CMTM4: variants seen among roughly 807,000 people sequenced by gnomAD.
CMTM4 encodes CKLF-like MARVEL transmembrane domain-containing protein 4.
CMTM4 carries 8 observed loss-of-function variants against 19.0 expected under a neutral mutation model. That is an observed-to-expected ratio of 0.42 (90% CI 0.25 to 0.76). The LOEUF (loss-of-function observed/expected upper bound fraction) is 0.76, where lower values mean the gene tolerates loss of function less well. Ranked by LOEUF, CMTM4 falls within the 30% of genes least tolerant of loss-of-function variation. CMTM4 has a pLI of 0.27. For missense variants in CMTM4, 228 were observed against 290.2 expected, an observed-to-expected ratio of 0.79 and a Z score of 1.56; for synonymous variants, 106 against 121.1, an observed-to-expected ratio of 0.88 and a Z score of 0.82.
the CMTM4 span, chr16:66,609,566 T>TGCCCCTCTA: frequency 6.4e-7 from 1 of 1,555,818 alleles, no homozygotes; most frequent in Non-Finnish European, 8.7e-7. This position sits in a 1 kb window ranked among gnomAD's most constrained non-coding sequence, Gnocchi z 4.4. Context: ...AAACTGCAGA[T>TGCCCCTCTA]GCCCCTCTAG....
intron 1 of CMTM4, among the ~76,000 whole-genome samples, chr16:66,667,562 TTTGATA>T (rs1232587052): frequency 5.9e-5 from 9 of 152,232 alleles, no homozygotes; most frequent in African/African-American, 1.9e-4. Flanking sequence ...TACATTACCT[TTTGATA>T]TTAACATATG....
intron 1 of CMTM4, among the ~76,000 whole-genome samples, chr16:66,674,913 T>C (rs1273950894): frequency 6.6e-6 from 1 of 151,520 alleles, no homozygotes; most frequent in Non-Finnish European, 1.5e-5. Flanking sequence ...AGCTAATTTT[T>C]TGTATTTTTA....
the CMTM4 span, chr16:66,609,449 T>C: frequency 1.2e-6 from 2 of 1,612,968 alleles, no homozygotes; most frequent in Non-Finnish European, 8.5e-7. This position sits in a 1 kb window ranked among gnomAD's most constrained non-coding sequence, Gnocchi z 4.4. Flanking sequence ...TCCTGCGCTG[T>C]GTCACCGCGG....
downstream of CMTM4, chr16:66,610,140 C>T: frequency 1.9e-6 from 2 of 1,076,766 alleles, no homozygotes; most frequent in Non-Finnish European, 2.7e-6. The surrounding 1 kb of genome is among the most constrained non-coding windows in gnomAD (Gnocchi z 4.6). Flanking sequence ...AGCCCATTCT[C>T]ACCTACCCTC....
intron 1 of CMTM4, among the ~76,000 whole-genome samples, chr16:66,691,129 T>G (rs1420990393): frequency 6.6e-6 from 1 of 151,880 alleles, no homozygotes; most frequent in Non-Finnish European, 1.5e-5. Flanking sequence ...AAAAAAAAAT[T>G]CCTATTACCC....
chr16:66,609,644 G>A, the CMTM4 span: 1 of 1,516,568 alleles, frequency 6.6e-7, no homozygotes, highest in African/African-American at 1.4e-5. This position sits in a 1 kb window ranked among gnomAD's most constrained non-coding sequence, Gnocchi z 4.4. Context: ...GTCTCATGTG[G>A]GTCCCGATGA....
At chr16:66,655,518 CGTGTGTGTGT>C (rs72390418) in intron 1 of CMTM4, among the ~76,000 whole-genome samples, 6 of 147,920 alleles carry the variant, frequency 4.1e-5, no homozygotes, top group South Asian at 2.2e-4. Context: ...AGGACAGAAA[CGTGTGTGTGT>C]GTGTGTGTGT....
chr16:66,606,250 A>T, the CMTM4 span, among the ~76,000 whole-genome samples: 1 of 152,278 alleles, frequency 6.6e-6, no homozygotes, highest in Admixed American at 6.5e-5. Context: ...TGAGATGGAC[A>T]GAAACAGAGA....
At chr16:66,679,778 C>T (rs921286472) in intron 1 of CMTM4, among the ~76,000 whole-genome samples, 1 of 148,314 alleles carries the variant, frequency 6.7e-6, no homozygotes, top group African/African-American at 2.5e-5. Context: ...GAACTGAGAT[C>T]ACACCACTGC....
chr16:66,604,732 C>A, the CMTM4 span: 1 of 1,142,332 alleles, frequency 8.8e-7, no homozygotes, highest in Non-Finnish European at 1.1e-6. Flanking sequence ...TCCGCACAGC[C>A]CGGGTTTCCG....
chr16:66,650,278 A>G (rs1411933559), intron 1 of CMTM4, among the ~76,000 whole-genome samples: 1 of 152,000 alleles, frequency 6.6e-6, no homozygotes, highest in East Asian at 1.9e-4. Flanking sequence ...TTATGTTTAT[A>G]CTCCCATTAG....
At chr16:66,610,460 C>T (rs558129424), downstream of CMTM4, among the ~76,000 whole-genome samples, 2 of 152,222 alleles carry the variant, frequency 1.3e-5, no homozygotes, top group South Asian at 4.1e-4. The surrounding 1 kb of genome is among the most constrained non-coding windows in gnomAD (Gnocchi z 4.6). Flanking sequence ...AGGGGAGGGG[C>T]CAGATGGGGC....
downstream of CMTM4, chr16:66,613,013 TTCAC>T (rs2015441094): frequency 1.4e-6 from 1 of 702,000 alleles, no homozygotes. Flanking sequence ...GGTCTTCTGT[TTCAC>T]TAACAGGAAC....
In CMTM4 at chr16:66,696,514, G is replaced by T; in HGVS notation, c.12C>A (p.Gly4=). 1 of 1,206,976 alleles carries T rather than the reference G, an allele frequency of 8.3e-7. No homozygotes were observed. The allele number at this position is 1,206,976 out of a possible 1,614,324, so 74.8% of individuals were successfully genotyped here. A position where few individuals can be genotyped will look rare whatever the true frequency, so the allele number is the denominator to read the frequency against. ...CGCCCTCGAAGCCGTCCAGCTCCTC[G>T]CCGCTCCGCATGCTGCCGCCCGGCC... The part of the protein sequence containing the change: MRS[G]EELDGFEGEA... The change falls in exon 1 of 4, where the codon GGC becomes GGA. Residue 4 remains glycine, a synonymous_variant. Transcript: ENST00000394106. The surrounding 1 kb of genome is among the most constrained non-coding windows in gnomAD (Gnocchi z 4.3).
chr16:66,680,048 G>A (rs563891563), intron 1 of CMTM4, among the ~76,000 whole-genome samples: 10 of 152,262 alleles, frequency 6.6e-5, no homozygotes, highest in Middle Eastern at 3.4e-3. Context: ...TGCCATGAAC[G>A]TTAAATGAGG....
chr16:66,609,453 A>C, the CMTM4 span: 8 of 1,612,826 alleles, frequency 5.0e-6, no homozygotes, highest in African/African-American at 1.3e-5. The surrounding 1 kb of genome is among the most constrained non-coding windows in gnomAD (Gnocchi z 4.4). Flanking sequence ...GCGCTGTGTC[A>C]CCGCGGCCCT....
At chr16:66,693,417 G>A (rs1262280122) in intron 1 of CMTM4, among the ~76,000 whole-genome samples, 1 of 152,094 alleles carries the variant, frequency 6.6e-6, no homozygotes, top group African/African-American at 2.4e-5. Context: ...CCAAACCGCA[G>A]AGTTAGAACT....
At chr16:66,666,844 C>T (rs929389813) in intron 1 of CMTM4, among the ~76,000 whole-genome samples, 4 of 152,160 alleles carry the variant, frequency 2.6e-5, no homozygotes, top group Non-Finnish European at 2.9e-5. Flanking sequence ...CACGTTTTCA[C>T]TTATAAGTGA....
chr16:66,625,020 C>T (rs2015708329), intron 2 of CMTM4, among the ~76,000 whole-genome samples: 1 of 152,190 alleles, frequency 6.6e-6, no homozygotes, highest in Non-Finnish European at 1.5e-5. Context: ...AAATATACTT[C>T]CCAAAGCAAA....
Sources: gnomAD v4.1 joint callset for allele counts (sites outside exome capture counted in the v4.1 genomes callset) on GRCh38, gnomAD v4.1.1 for gene constraint, Gnocchi (gnomAD v3.1) non-coding constraint, MANE v1.5 for transcripts, NCBI Gene and HGNC (gene_info 2026-07-23, HGNC 2026-07-21) for gene names.